Variants in MBOAT1 observed in about 807,000 individuals in gnomAD.
The protein encoded by MBOAT1 is membrane bound glycerophospholipid O-acyltransferase 1.
In MBOAT1, 67 loss-of-function variants were observed where a neutral mutation model predicts 64.4. The observed-to-expected ratio is 1.04, with a 90% CI of 0.85 to 1.27. The LOEUF is 1.27. MBOAT1 is among the 50% of genes most tolerant of loss of function. The pLI, the probability that MBOAT1 is intolerant of heterozygous loss-of-function variation, is 0.00. For missense variants in MBOAT1, 563 were observed against 604.6 expected (o/e 0.93, Z 0.72); for synonymous variants, 229 against 218.9 (o/e 1.05, Z -0.41).
At chr6:20,200,336 G>T (rs181059305) in intron 1 of MBOAT1, among the ~76,000 whole-genome samples, 60 of 152,184 alleles carry the variant, frequency 3.9e-4, no homozygotes, top group Admixed American at 2.3e-3. Context: ...AAATAGTCTT[G>T]GTTTGTCATC....
At chr6:20,181,480 T>C (rs1762507472) in intron 1 of MBOAT1, among the ~76,000 whole-genome samples, 1 of 152,226 alleles carries the variant, frequency 6.6e-6, no homozygotes, top group African/African-American at 2.4e-5. Flanking sequence ...TTTTCTTCTT[T>C]CTTGAACTCC....
chr6:20,166,128 C>T (rs1336794940), intron 1 of MBOAT1, among the ~76,000 whole-genome samples: 4 of 151,964 alleles, frequency 2.6e-5, no homozygotes, highest in African/African-American at 9.7e-5. Context: ...AAAAATATAC[C>T]CATATGCATT....
At chr6:20,126,890 ACAGC>A (rs1760670504) in intron 6 of MBOAT1, among the ~76,000 whole-genome samples, 190 bp from the exon 7 acceptor site, 1 of 152,188 alleles carries the variant, frequency 6.6e-6, no homozygotes, top group Non-Finnish European at 1.5e-5. Context: ...CAGGGGGCTC[ACAGC>A]AGGCACAGAG....
At chr6:20,104,836 T>G (rs1759905025) in intron 12 of MBOAT1, among the ~76,000 whole-genome samples, 1 of 152,200 alleles carries the variant, frequency 6.6e-6, no homozygotes, top group Non-Finnish European at 1.5e-5. Context: ...CAAACATACA[T>G]GCATTCATTT....
intron 12 of MBOAT1, among the ~76,000 whole-genome samples, chr6:20,102,946 G>C (rs758496545): frequency 3.9e-5 from 6 of 152,108 alleles, no homozygotes; most frequent in South Asian, 2.1e-4. Flanking sequence ...GTAAACAATA[G>C]TATGCTGCCA....
intron 12 of MBOAT1, among the ~76,000 whole-genome samples, chr6:20,106,310 C>T (rs13201556): frequency 0.055 from 8,413 of 152,262 alleles, 279 homozygotes; most frequent in African/African-American, 0.089. Flanking sequence ...TCAATAAAAT[C>T]GAAAATTCAG....
At chr6:20,147,526 C>A (rs988427662) in intron 3 of MBOAT1, among the ~76,000 whole-genome samples, 1 of 152,142 alleles carries the variant, frequency 6.6e-6, no homozygotes, top group Non-Finnish European at 1.5e-5. Flanking sequence ...ATAATCCCAG[C>A]CTCTTGGGAG....
At chr6:20,114,234 T>A (rs1262534110) in intron 10 of MBOAT1, among the ~76,000 whole-genome samples, 2 of 152,232 alleles carry the variant, frequency 1.3e-5, no homozygotes, top group African/African-American at 2.4e-5. Flanking sequence ...TGAAAGATGC[T>A]GCTTATCAAA....
At chr6:20,203,139 A>G (rs1763168707) in intron 1 of MBOAT1, among the ~76,000 whole-genome samples, 1 of 152,212 alleles carries the variant, frequency 6.6e-6, no homozygotes, top group African/African-American at 2.4e-5. Flanking sequence ...CCCTGTCTCA[A>G]TAAAAAATAA....
intron 11 of MBOAT1, among the ~76,000 whole-genome samples, 153 bp from the exon 12 acceptor site, chr6:20,109,902 C>CTTTTTT (rs1158455991): frequency 8.5e-4 from 80 of 94,120 alleles, no homozygotes; most frequent in Non-Finnish European, 9.8e-4. Flanking sequence ...ACCATCAGGA[C>CTTTTTT]TTTTTTTTTT....
At chr6:20,149,404 T>G (rs1761425297) in intron 3 of MBOAT1, among the ~76,000 whole-genome samples, 2 of 152,306 alleles carry the variant, frequency 1.3e-5, no homozygotes, top group South Asian at 2.1e-4. Context: ...AGCTGCAATT[T>G]GTAAGGAAGT....
chr6:20,111,871 T>TATATATATAC (rs1206096211), intron 11 of MBOAT1, among the ~76,000 whole-genome samples: 2 of 137,394 alleles, frequency 1.5e-5, no homozygotes, highest in African/African-American at 2.9e-5. Context: ...TATATATACA[T>TATATATATAC]ATATATATGT....
chr6:20,201,125 G>A (rs1162058588), intron 1 of MBOAT1, among the ~76,000 whole-genome samples: 1 of 152,220 alleles, frequency 6.6e-6, no homozygotes, highest in Non-Finnish European at 1.5e-5. Flanking sequence ...TACTCGCCAA[G>A]TTGGACTTAT....
intron 4 of MBOAT1, among the ~76,000 whole-genome samples, chr6:20,140,603 C>T (rs754626504): frequency 3.9e-5 from 6 of 152,156 alleles, no homozygotes; most frequent in Admixed American, 6.5e-5. Flanking sequence ...CCTTAGGTAT[C>T]GGAGCTCCTG....
rs141640587 is a variant in MBOAT1 at position 20,102,908 on chromosome 6, T to C, written c.1362-496A>G. Among the ~76,000 whole-genome samples the C allele has an allele frequency of 7.3e-3, 1,117 of 152,306 alleles. 21 individuals carry two copies. Among genetic ancestry groups the C allele is most frequent in the African/African-American group, 0.026 (1,074 of 41,562 alleles). ...CATCGTAATGTCATAGTGTAATGCA[T>C]TGTTCACATGTTTGTGGTAATGCTG... On this transcript the variant is annotated intron_variant, in intron 12 of 12. Transcript: ENST00000324607.
At chr6:20,196,102 G>A (rs992597234) in intron 1 of MBOAT1, among the ~76,000 whole-genome samples, 9 of 152,282 alleles carry the variant, frequency 5.9e-5, no homozygotes, top group African/African-American at 9.6e-5. Context: ...AAAGACTCCC[G>A]TGAGAATGAG....
intron 12 of MBOAT1, among the ~76,000 whole-genome samples, chr6:20,109,318 A>T (rs1760051376): frequency 6.6e-6 from 1 of 152,204 alleles, no homozygotes; most frequent in South Asian, 2.1e-4. Context: ...GTTTTTACTC[A>T]GGGTCCATCC....
intron 1 of MBOAT1, among the ~76,000 whole-genome samples, chr6:20,168,442 G>A (rs6938934): frequency 0.014 from 2,095 of 148,952 alleles, 46 homozygotes; most frequent in African/African-American, 0.049. Context: ...TCCAGCCTGG[G>A]CCACAGAGTC....
chr6:20,110,199 G>A (rs542691634), intron 11 of MBOAT1, among the ~76,000 whole-genome samples: 37 of 146,582 alleles, frequency 2.5e-4, no homozygotes, highest in East Asian at 1.1e-3. Flanking sequence ...GTGAGCCACC[G>A]CGCCCGGCCC....
Sources: allele counts gnomAD v4.1 joint callset (sites outside exome capture counted in the v4.1 genomes callset), GRCh38; gene constraint gnomAD v4.1.1; transcripts MANE v1.5; gene names NCBI Gene and HGNC (gene_info 2026-07-23, HGNC 2026-07-21).